CD46: variants seen among roughly 807,000 people sequenced by gnomAD.
CD46 encodes membrane cofactor protein.
CD46 carries 30 observed loss-of-function variants against 53.3 expected under a neutral mutation model. The observed-to-expected ratio is 0.56, with a 90% CI of 0.42 to 0.76. The LOEUF is 0.76. Ranked by LOEUF, CD46 falls within the 30% of genes least tolerant of loss-of-function variation. The pLI is 0.00. For synonymous variants in CD46, 142 were observed against 152.0 expected (o/e 0.93, Z 0.48); for missense variants, 409 against 463.0 (o/e 0.88, Z 1.07).
chr1:207,776,765 A>G (rs1658159531), intron 8 of CD46, among the ~76,000 whole-genome samples: 1 of 151,752 alleles, frequency 6.6e-6, no homozygotes, highest in African/African-American at 2.4e-5. Context: ...GGTAGCTGGA[A>G]CTACAGGCAC....
intron 8 of CD46, among the ~76,000 whole-genome samples, chr1:207,779,158 T>G (rs1394681014): frequency 2.0e-5 from 3 of 152,186 alleles, no homozygotes; most frequent in Non-Finnish European, 1.5e-5. Flanking sequence ...TTGGTGAAGT[T>G]GTTTATCATC....
At position 207,779,731 on chromosome 1, in the gene CD46, C is replaced by T. The variant is rs567900393; in HGVS notation, c.944-3561C>T. Among the ~76,000 whole-genome samples, 105 of 151,916 alleles carry T rather than the reference C, an allele frequency of 6.9e-4. 2 individuals are homozygous for T. Among genetic ancestry groups the T allele is most frequent in the Admixed American group, 6.5e-3 (99 of 15,264 alleles). ...GTGTATATAATGAGATATATGGTTC[C>T]ACCTCGCCCCACCCCAGCAACCACC... On this transcript the variant is annotated intron_variant, in intron 8 of 12. Coordinates refer to ENST00000367042, the MANE Select transcript of CD46 (RefSeq NM_172351.3).
intron 11 of CD46, among the ~76,000 whole-genome samples, chr1:207,788,689 T>C (rs1659513216): frequency 6.6e-6 from 1 of 152,326 alleles, no homozygotes; most frequent in South Asian, 2.1e-4. Flanking sequence ...GGAAGCAGGC[T>C]AGCAGGCACA....
rs1571714116 is a variant in CD46, at chr1:207,794,012, T to C, written c.*535T>C. On this transcript the variant is annotated 3_prime_UTR_variant, in exon 13 of 13. Transcript: ENST00000367042. ...CACCAACTATAGAATGTATTTTATA[T>C]ATCGTTCATTGTAAAAAGCCCTTAA... is the stretch of plus-strand genomic sequence containing the variant. 1 of 175,176 alleles carries C rather than the reference T, an allele frequency of 5.7e-6. No individual in the cohort carries two copies. Among genetic ancestry groups the C allele is most frequent in the Non-Finnish European group, 1.2e-5 (1 of 80,922 alleles). The allele number at this position is 175,176 out of a possible 1,614,324, so 10.9% of individuals were successfully genotyped here.
chr1:207,792,675 G>A (rs146342848), intron 12 of CD46, among the ~76,000 whole-genome samples: 27 of 152,256 alleles, frequency 1.8e-4, no homozygotes, highest in Admixed American at 1.4e-3. Context: ...TGACTGGTCC[G>A]AATTTGGTTT....
intron 1 of CD46, among the ~76,000 whole-genome samples, chr1:207,755,128 A>C (rs1438433590): frequency 2.6e-5 from 4 of 151,984 alleles, no homozygotes; most frequent in Non-Finnish European, 4.4e-5. Context: ...AACAAAACAA[A>C]ACACACACAC....
chr1:207,767,322 C>A, intron 6 of CD46, 127 bp downstream of exon 6: 1 of 860,240 alleles, frequency 1.2e-6, no homozygotes. Context: ...TAGTATTTAA[C>A]TCTGTCTTGT....
chr1:207,793,518 G>A lies in CD46; in HGVS notation c.*42-1G>A, dbSNP rs1220333226. On this transcript the variant is annotated splice_acceptor_variant, in intron 12 of 12. Coordinates refer to ENST00000367042, the MANE Select transcript of CD46 (RefSeq NM_172351.3). LOFTEE classifies it low-confidence loss of function (3UTR_SPLICE). ...CATGATCTTTATACCTTGGTTTGCA[G>A]GAAAGCAGATGGTGGAGCTGAATAT... The A allele has an allele frequency of 1.9e-6, 3 of 1,612,152 alleles. No homozygotes were observed. The highest frequency in any genetic ancestry group is 2.5e-6 in the Non-Finnish European group (3 of 1,178,264).
chr1:207,773,810 G>T (rs1285885689), intron 8 of CD46, among the ~76,000 whole-genome samples: 1 of 152,112 alleles, frequency 6.6e-6, no homozygotes, highest in South Asian at 2.1e-4. Context: ...CAATTATGTG[G>T]TCAATTTTAG....
chr1:207,793,097 G>A (rs1659957902), intron 12 of CD46, among the ~76,000 whole-genome samples: 1 of 152,186 alleles, frequency 6.6e-6, no homozygotes, highest in Non-Finnish European at 1.5e-5. Flanking sequence ...TGATTTTCTT[G>A]ACAGTGAGGG....
chr1:207,772,061 CTT>C (rs1418816644), intron 8 of CD46, among the ~76,000 whole-genome samples: 1 of 152,186 alleles, frequency 6.6e-6, no homozygotes, highest in Non-Finnish European at 1.5e-5. Context: ...TTTGTGTACT[CTT>C]TTATTTCGTT....
intron 8 of CD46, among the ~76,000 whole-genome samples, chr1:207,775,352 A>G (rs552797207): frequency 1.3e-5 from 2 of 152,030 alleles, no homozygotes; most frequent in Non-Finnish European, 2.9e-5. Flanking sequence ...GTTTGTTATT[A>G]CTGACCTTCT....
intron 11 of CD46, among the ~76,000 whole-genome samples, chr1:207,786,932 G>A (rs182314816): frequency 6.6e-6 from 1 of 152,240 alleles, no homozygotes; most frequent in African/African-American, 2.4e-5. Flanking sequence ...GTAGAAACAA[G>A]TTCTAAAGAA....
chr1:207,753,299 C>A (rs902472662), intron 1 of CD46, among the ~76,000 whole-genome samples: 2 of 152,220 alleles, frequency 1.3e-5, no homozygotes, highest in Non-Finnish European at 2.9e-5. Flanking sequence ...TTTTCCCCTG[C>A]AGCTCATAAG....
At chr1:207,759,545 G>A in intron 3 of CD46, 94 bp from the exon 4 acceptor site, 1 of 717,090 alleles carries the variant, frequency 1.4e-6, no homozygotes, top group Non-Finnish European at 2.5e-6. Context: ...AACTACTGTA[G>A]TGTAGAAAAG....
intron 3 of CD46, among the ~76,000 whole-genome samples, chr1:207,758,885 T>C (rs2102548552): frequency 6.6e-6 from 1 of 152,150 alleles, no homozygotes; most frequent in East Asian, 1.9e-4. Context: ...TAATATATAC[T>C]GAGAGCAATA....
intron 8 of CD46, among the ~76,000 whole-genome samples, chr1:207,772,443 A>G (rs1400968844): frequency 6.6e-6 from 1 of 152,216 alleles, no homozygotes; most frequent in African/African-American, 2.4e-5. Flanking sequence ...ACTACGTTGA[A>G]TAGGAGTGGT....
chr1:207,770,183 C>T (rs960304708), intron 7 of CD46, 138 bp from the exon 8 acceptor site: 4 of 700,322 alleles, frequency 5.7e-6, no homozygotes, highest in Non-Finnish European at 1.0e-5. Context: ...AGGTTAAATT[C>T]TAAGATGTGG....
chr1:207,774,879 A>C (rs1311135569), intron 8 of CD46, among the ~76,000 whole-genome samples: 1 of 152,096 alleles, frequency 6.6e-6, no homozygotes, highest in African/African-American at 2.4e-5. Context: ...TGCACTTTTC[A>C]AGGAGTATTT....
Sources: allele counts gnomAD v4.1 joint callset (sites outside exome capture counted in the v4.1 genomes callset), GRCh38; gene constraint gnomAD v4.1.1; transcripts MANE v1.5; gene names NCBI Gene and HGNC (gene_info 2026-07-23, HGNC 2026-07-21).